ADAMTS17: variants seen among roughly 807,000 people sequenced by gnomAD.
ADAMTS17 encodes ADAM metallopeptidase with thrombospondin type 1 motif 17, also known as A disintegrin and metalloproteinase with thrombospondin motifs 17.
In ADAMTS17, 113 loss-of-function variants were observed where a neutral mutation model predicts 141.5. The ratio of observed to expected loss-of-function variants is 0.80; its 90% confidence interval spans 0.69 to 0.93. ADAMTS17 has a LOEUF of 0.93. ADAMTS17 is among the 40% of genes least tolerant of loss of function. ADAMTS17 has a pLI of 0.00. For synonymous variants in ADAMTS17, 768 were observed against 630.6 expected, an observed-to-expected ratio of 1.22 and a Z score of -3.27; for missense variants, 1,659 against 1,517.9, an observed-to-expected ratio of 1.09 and a Z score of -1.54.
chr15:99,976,010 G>GC, intron 21 of ADAMTS17, 35 bp downstream of exon 21: 1 of 1,537,456 alleles, frequency 6.5e-7, no homozygotes, highest in Non-Finnish European at 8.8e-7. Context: ...AGACACAGCA[G>GC]CCCCCTGGGA....
At chr15:100,165,831 C>T (rs77298515) in intron 8 of ADAMTS17, among the ~76,000 whole-genome samples, 5 of 152,140 alleles carry the variant, frequency 3.3e-5, no homozygotes, top group Non-Finnish European at 7.3e-5. Context: ...CCTCTGCCCC[C>T]CCTCAGGACA....
chr15:100,199,569 G>C, intron 7 of ADAMTS17, 146 bp from the exon 8 acceptor site: 1 of 757,794 alleles, frequency 1.3e-6, no homozygotes, highest in Non-Finnish European at 2.4e-6. Context: ...CCTGGGAAGG[G>C]TTTGTGTATG....
At chr15:100,169,468 T>C (rs2040077559) in intron 8 of ADAMTS17, among the ~76,000 whole-genome samples, 1 of 152,230 alleles carries the variant, frequency 6.6e-6, no homozygotes, top group Admixed American at 6.5e-5. Flanking sequence ...ACTCATTACA[T>C]ATATCATCTC....
chr15:100,340,673 G>A (rs1172738416), intron 2 of ADAMTS17, among the ~76,000 whole-genome samples: 2 of 152,122 alleles, frequency 1.3e-5, no homozygotes, highest in Non-Finnish European at 2.9e-5. Context: ...TTGACACGGC[G>A]GTGCAGATGC....
intron 8 of ADAMTS17, among the ~76,000 whole-genome samples, chr15:100,178,910 T>C (rs778696161): frequency 6.6e-6 from 1 of 152,326 alleles, no homozygotes; most frequent in Non-Finnish European, 1.5e-5. Context: ...AAACCTATCG[T>C]CATCCAAATT....
intron 15 of ADAMTS17, among the ~76,000 whole-genome samples, chr15:100,062,036 G>A (rs1256896690): frequency 6.6e-6 from 1 of 152,216 alleles, no homozygotes; most frequent in Non-Finnish European, 1.5e-5. Context: ...GTAAAAAGAG[G>A]CTGTCACTTT....
intron 8 of ADAMTS17, among the ~76,000 whole-genome samples, chr15:100,158,067 T>G (rs1445233535): frequency 2.0e-5 from 3 of 152,220 alleles, no homozygotes; most frequent in Admixed American, 2.0e-4. Flanking sequence ...TTTTGTATTT[T>G]TAGTAGAGAC....
chr15:100,033,223 T>A (rs996540877), intron 18 of ADAMTS17, among the ~76,000 whole-genome samples: 5 of 152,322 alleles, frequency 3.3e-5, no homozygotes, highest in African/African-American at 1.2e-4. Flanking sequence ...CTGAAGATTC[T>A]GTTGGTACAA....
chr15:100,152,509 T>G, intron 10 of ADAMTS17, 103 bp downstream of exon 10: 2 of 1,487,606 alleles, frequency 1.3e-6, no homozygotes, highest in South Asian at 2.3e-5. Flanking sequence ...TGTATGTGCC[T>G]GTGCTGAGTG....
intron 15 of ADAMTS17, among the ~76,000 whole-genome samples, chr15:100,059,737 C>T (rs1300313581): frequency 6.6e-6 from 1 of 152,184 alleles, no homozygotes; most frequent in Admixed American, 6.5e-5. Flanking sequence ...CCTTCTGTGG[C>T]AGCTTGGGTT....
At chr15:100,261,441 C>G (rs1226943781) in intron 6 of ADAMTS17, 38 bp downstream of exon 6, 1 of 1,612,940 alleles carries the variant, frequency 6.2e-7, no homozygotes, top group East Asian at 2.2e-5. Context: ...ACATCTTTTC[C>G]CTCTCACATG....
At chr15:99,987,076 C>G (rs2141306308) in intron 20 of ADAMTS17, among the ~76,000 whole-genome samples, 1 of 152,304 alleles carries the variant, frequency 6.6e-6, no homozygotes, top group Non-Finnish European at 1.5e-5. Flanking sequence ...CCCCAAGGCT[C>G]TGAGTGGCAG....
intron 18 of ADAMTS17, among the ~76,000 whole-genome samples, chr15:100,010,519 G>A (rs1292457651): frequency 6.6e-6 from 1 of 152,210 alleles, no homozygotes; most frequent in Admixed American, 6.5e-5. Context: ...GCGAGCCTAT[G>A]GGTGAGAGGC....
chr15:100,309,902 C>A (rs2045348759), intron 3 of ADAMTS17, among the ~76,000 whole-genome samples: 1 of 152,152 alleles, frequency 6.6e-6, no homozygotes, highest in Non-Finnish European at 1.5e-5. Context: ...AGCAGAGACC[C>A]CAGGACCCTT....
At chr15:100,007,680 C>T (rs1190934581) in intron 18 of ADAMTS17, among the ~76,000 whole-genome samples, 2 of 152,052 alleles carry the variant, frequency 1.3e-5, no homozygotes, top group Non-Finnish European at 2.9e-5. Context: ...TGAGAAGGAG[C>T]ACCCGGGGAG....
At chr15:100,206,206 G>A (rs561184881) in intron 7 of ADAMTS17, among the ~76,000 whole-genome samples, 1 of 152,310 alleles carries the variant, frequency 6.6e-6, no homozygotes, top group East Asian at 1.9e-4. Context: ...CTGGCTACCA[G>A]AGAAAAGCCC....
chr15:100,222,785 A>C (rs1379000916), intron 7 of ADAMTS17, among the ~76,000 whole-genome samples: 1 of 152,232 alleles, frequency 6.6e-6, no homozygotes, highest in Non-Finnish European at 1.5e-5. Context: ...CCATGATGCC[A>C]ACGTGGCTGC....
chr15:100,024,451 G>A (rs536069710), intron 18 of ADAMTS17, among the ~76,000 whole-genome samples: 1 of 152,282 alleles, frequency 6.6e-6, no homozygotes, highest in South Asian at 2.1e-4. Flanking sequence ...GGTCATTTGG[G>A]TAGGTGCCCA....
chr15:100,044,579 C>T (rs528336044), intron 18 of ADAMTS17, among the ~76,000 whole-genome samples: 12 of 152,292 alleles, frequency 7.9e-5, no homozygotes, highest in East Asian at 3.9e-4. Flanking sequence ...GCTTTTCTTA[C>T]GTTTCTGAGC....
Sources: allele counts gnomAD v4.1 joint callset (sites outside exome capture counted in the v4.1 genomes callset), GRCh38; gene constraint gnomAD v4.1.1; transcripts MANE v1.5; gene names NCBI Gene and HGNC (gene_info 2026-07-23, HGNC 2026-07-21).